Variants in TENM2 observed in about 807,000 individuals in gnomAD.
The protein encoded by TENM2 is teneurin-2.
TENM2 carries 52 observed loss-of-function variants against 245.2 expected under a neutral mutation model. The ratio of observed to expected loss-of-function variants is 0.21; its 90% CI spans 0.17 to 0.27. The LOEUF is 0.27. TENM2 is among the 10% of genes least tolerant of loss of function. The pLI, the probability that TENM2 is intolerant of heterozygous loss-of-function variation, is 1.00. For synonymous variants in TENM2, 1,363 were observed against 1,438.9 expected (o/e 0.95, Z 1.19); for missense variants, 3,046 against 3,666.8 (o/e 0.83, Z 4.37).
chr5:167,456,122 G>T (rs1765907672), intron 2 of TENM2, among the ~76,000 whole-genome samples: 1 of 152,056 alleles, frequency 6.6e-6, no homozygotes, highest in Non-Finnish European at 1.5e-5. Flanking sequence ...GGATAGAGGT[G>T]TTCACTCTTG....
chr5:167,958,674 G>T (rs981636605), intron 4 of TENM2, among the ~76,000 whole-genome samples: 1 of 152,100 alleles, frequency 6.6e-6, no homozygotes, highest in Non-Finnish European at 1.5e-5. Context: ...GGCAGGCCTG[G>T]TGGTGACAAA....
In TENM2 at chr5:167,977,890, C is replaced by T. The variant is rs538697003; in HGVS notation, c.948-15054C>T. ...GGAATGTGATCCCCAATGTTGGAGG[C>T]GGGCCCTGGTGGGAGGTGTTTGGGT... On this transcript the variant is annotated intron_variant, in intron 4 of 28. Transcript: ENST00000518659. 2.0e-5 allele frequency among the ~76,000 whole-genome samples: 3 copies of T among 152,248 alleles called. No homozygotes were observed. In the East Asian group the frequency reaches 5.8e-4, roughly 29 times the overall value.
chr5:167,114,477 A>C, the TENM2 span, among the ~76,000 whole-genome samples: 1 of 152,252 alleles, frequency 6.6e-6, no homozygotes, highest in East Asian at 1.9e-4. Flanking sequence ...AATCACTGTC[A>C]TCTCCTAGAA....
rs1017818627 is a variant in TENM2 at position 168,190,268 on chromosome 5, G to T, written c.2570-69G>T. Reference sequence around the variant, plus strand: ...GCTCATGCCTGTGCTGGTAACAAAGGTGTTAGTGTCTCCAAACAGCTTTAT... The same window carrying T: ...GCTCATGCCTGTGCTGGTAACAAAGTTGTTAGTGTCTCCAAACAGCTTTAT... On this transcript the variant is annotated intron_variant, in intron 13 of 28. Transcript: ENST00000518659. 111 of 1,222,834 alleles carry T rather than the reference G, an allele frequency of 9.1e-5. 2 individuals carry two copies. The Admixed American group carries it at 1.8e-3, about 19-fold the overall frequency. 75.7% of individuals were successfully genotyped at this position (1,222,834 alleles called of 1,614,324 possible).
At chr5:167,983,391 A>G (rs997646953) in intron 4 of TENM2, among the ~76,000 whole-genome samples, 1 of 152,188 alleles carries the variant, frequency 6.6e-6, no homozygotes. Context: ...CGAAGCTTCT[A>G]TTTAGAAAAC....
intron 1 of TENM2, among the ~76,000 whole-genome samples, chr5:167,342,195 C>T (rs1327835616): frequency 2.0e-5 from 3 of 152,116 alleles, no homozygotes; most frequent in Non-Finnish European, 2.9e-5. Context: ...AGGACCCCAT[C>T]CTGGATACCA....
intron 3 of TENM2, among the ~76,000 whole-genome samples, chr5:167,922,392 A>G (rs1487360350): frequency 1.9e-5 from 2 of 106,924 alleles, no homozygotes; most frequent in African/African-American, 6.9e-5. Flanking sequence ...CAGCCCCTCT[A>G]TCATGAATCA....
At chr5:167,145,078 C>T in the TENM2 span, among the ~76,000 whole-genome samples, 6 of 152,318 alleles carry the variant, frequency 3.9e-5, no homozygotes, top group South Asian at 6.2e-4. Flanking sequence ...GTCAAATTTC[C>T]CTCTGCCTCT....
At chr5:167,068,943 C>G in the TENM2 span, among the ~76,000 whole-genome samples, 86 of 152,222 alleles carry the variant, frequency 5.6e-4, no homozygotes, top group African/African-American at 2.0e-3. Flanking sequence ...CAGTAGAATG[C>G]AAAATAGCTT....
At chr5:167,755,473 T>G (rs1478256760) in intron 2 of TENM2, among the ~76,000 whole-genome samples, 1 of 151,352 alleles carries the variant, frequency 6.6e-6, no homozygotes, top group Non-Finnish European at 1.5e-5. Context: ...AAAAAATATG[T>G]GAAAATAAAT....
exon 29 of TENM2, chr5:168,262,502 T>C: frequency 1.3e-6 from 2 of 1,556,930 alleles, no homozygotes; most frequent in Non-Finnish European, 1.7e-6. Context: ...GTTCCAGTAC[T>C]CCACGCTGCT....
intron 2 of TENM2, among the ~76,000 whole-genome samples, chr5:167,689,323 G>A (rs1039775511): frequency 6.6e-5 from 10 of 152,176 alleles, no homozygotes; most frequent in African/African-American, 2.4e-4. Flanking sequence ...TTGCCCATCC[G>A]AGCTTTTCTG....
the TENM2 span, among the ~76,000 whole-genome samples, chr5:166,987,715 A>C: frequency 6.6e-6 from 1 of 152,114 alleles, no homozygotes; most frequent in African/African-American, 2.4e-5. Context: ...GCCTGTGTAA[A>C]TTTAACCAGT....
intron 19 of TENM2, among the ~76,000 whole-genome samples, chr5:168,210,762 C>T (rs1364510451): frequency 6.6e-6 from 1 of 152,170 alleles, no homozygotes; most frequent in African/African-American, 2.4e-5. Context: ...TGTCCCTTCC[C>T]TGAAGCCTTT....
intron 2 of TENM2, among the ~76,000 whole-genome samples, chr5:167,526,371 C>CACACACAT (rs1344810035): frequency 6.6e-6 from 1 of 151,086 alleles, no homozygotes; most frequent in East Asian, 1.9e-4. Flanking sequence ...CACACACACA[C>CACACACAT]ACACACACAC....
chr5:167,578,377 G>A (rs17068750), intron 2 of TENM2, among the ~76,000 whole-genome samples: 204 of 152,320 alleles, frequency 1.3e-3, no homozygotes, highest in South Asian at 4.4e-3. Flanking sequence ...CAGCAGTAAG[G>A]TTGAGAAACG....
intron 25 of TENM2, chr5:168,229,941 G>T (rs1273970384): frequency 6.6e-6 from 1 of 152,202 alleles, no homozygotes; most frequent in Non-Finnish European, 1.5e-5. Flanking sequence ...TTTTTGATAT[G>T]CTGCACTGTA....
chr5:167,216,512 C>T, the TENM2 span, among the ~76,000 whole-genome samples: 1 of 152,142 alleles, frequency 6.6e-6, no homozygotes, highest in Admixed American at 6.5e-5. Flanking sequence ...CCCCATCATA[C>T]CTAACATTAT....
intron 2 of TENM2, among the ~76,000 whole-genome samples, chr5:167,859,363 C>G (rs1291018774): frequency 1.4e-5 from 2 of 140,124 alleles, no homozygotes; most frequent in African/African-American, 2.6e-5. Context: ...GCAGCCACCC[C>G]GTCCGGGAGG....
Sources: gnomAD v4.1 joint callset for allele counts (sites outside exome capture counted in the v4.1 genomes callset) on GRCh38, gnomAD v4.1.1 for gene constraint, MANE v1.5 for transcripts, NCBI Gene and HGNC (gene_info 2026-07-23, HGNC 2026-07-21) for gene names.